The following SHROOM4 variants were observed in gnomAD, a reference collection of about 807,000 sequenced individuals.
SHROOM4 encodes protein Shroom4.
Under a neutral mutation model 80.3 loss-of-function variants are expected in SHROOM4, and 17 were observed. That is an observed-to-expected ratio of 0.21 (90% CI 0.14 to 0.32). The LOEUF (loss-of-function observed/expected upper bound fraction) is 0.32, where lower values mean the gene tolerates loss of function less well. Ranked by LOEUF, SHROOM4 falls within the 10% of genes least tolerant of loss-of-function variation. The pLI, the probability that SHROOM4 is intolerant of heterozygous loss-of-function variation, is 1.00. For missense variants in SHROOM4, 993 were observed against 1,140.3 expected (o/e 0.87, Z 1.86); for synonymous variants, 400 against 437.5 (o/e 0.91, Z 1.07).
Position 50,714,098 on chromosome X carries a change from G to C in SHROOM4, c.118-18161C>G, listed in dbSNP as rs782483595. Among the ~76,000 whole-genome samples, 6 of 111,767 alleles carry C rather than the reference G, an allele frequency of 5.4e-5. No homozygotes were observed. The South Asian group carries it at 2.3e-3, about 42-fold the overall frequency. On this transcript the variant is annotated intron_variant, in intron 1 of 8. Coordinates refer to ENST00000376020, the MANE Select transcript of SHROOM4 (RefSeq NM_020717.5). ...GTCCTTTCCCCACTGTATGCTGTTG[G>C]TGCCTTTGTCAAAAATCTGTTGGCT...
chrX:50,612,955 C>T (rs781819651), intron 5 of SHROOM4, among the ~76,000 whole-genome samples: 7 of 111,233 alleles, frequency 6.3e-5, no homozygotes, highest in African/African-American at 2.3e-4. Context: ...TAGAGGTATA[C>T]CCATTAAAAA....
chrX:50,591,394 T>C lies in SHROOM4; in HGVS notation c.*5301A>G, dbSNP rs1928871968. Among the ~76,000 whole-genome samples, 1 of 111,991 alleles carries C rather than the reference T, an allele frequency of 8.9e-6. No homozygotes were observed. Among genetic ancestry groups the C allele is most frequent in the South Asian group, 3.7e-4 (1 of 2,671 alleles). On this transcript the variant is annotated 3_prime_UTR_variant, in exon 9 of 9. Coordinates refer to ENST00000376020, the MANE Select transcript of SHROOM4 (RefSeq NM_020717.5). ...CTGTTCCAGGTCCCTTGTAATTCCA[T>C]ATGAATTTTAGAATCAGCTTGTAAA...
chrX:50,614,986 A>G (rs1557250519), intron 5 of SHROOM4, among the ~76,000 whole-genome samples: 2 of 111,929 alleles, frequency 1.8e-5, no homozygotes, highest in African/African-American at 6.5e-5. Flanking sequence ...TTTTTGTAAA[A>G]AAGAATGTAT....
chrX:50,720,836 G>C (rs1318056009), intron 1 of SHROOM4, among the ~76,000 whole-genome samples: 1 of 111,732 alleles, frequency 8.9e-6, no homozygotes, highest in Non-Finnish European at 1.9e-5. Context: ...AGATGGAAAG[G>C]CACTGATGTG....
intron 1 of SHROOM4, among the ~76,000 whole-genome samples, chrX:50,712,530 A>G (rs956016204): frequency 4.3e-4 from 48 of 112,221 alleles, no homozygotes; most frequent in African/African-American, 1.4e-3. Flanking sequence ...TGCCTGTATC[A>G]AAACATCTCA....
chrX:50,625,289 G>T (rs1404730360), intron 5 of SHROOM4, among the ~76,000 whole-genome samples: 1 of 112,162 alleles, frequency 8.9e-6, no homozygotes, highest in Non-Finnish European at 1.9e-5. Flanking sequence ...ATTTGGGAAT[G>T]ATTAAGCAAA....
At chrX:50,583,978 A>G (rs367702443), downstream of SHROOM4, among the ~76,000 whole-genome samples, 40 of 112,297 alleles carry the variant, frequency 3.6e-4, no homozygotes, top group African/African-American at 1.2e-3. Context: ...TAGAAAACTA[A>G]TACAATGGGC....
intron 2 of SHROOM4, among the ~76,000 whole-genome samples, chrX:50,669,843 T>C (rs1181537545): frequency 8.9e-6 from 1 of 111,758 alleles, no homozygotes; most frequent in African/African-American, 3.3e-5. Flanking sequence ...CTTCTAATTC[T>C]AGTACTCTTG....
At chrX:50,690,927 A>T (rs143869060) in intron 2 of SHROOM4, among the ~76,000 whole-genome samples, 1,416 of 112,865 alleles carry the variant, frequency 0.013, 29 homozygotes, top group African/African-American at 0.043. Flanking sequence ...AGATCGTGCC[A>T]CTGCACTCTA....
intron 3 of SHROOM4, among the ~76,000 whole-genome samples, chrX:50,636,624 A>T (rs1026386690): frequency 1.8e-4 from 20 of 111,637 alleles, no homozygotes; most frequent in African/African-American, 6.5e-4. Flanking sequence ...CAGAGTACCC[A>T]ACAGGTAGTT....
intron 5 of SHROOM4, among the ~76,000 whole-genome samples, chrX:50,610,961 T>G (rs1929943977): frequency 9.0e-6 from 1 of 110,719 alleles, no homozygotes; most frequent in East Asian, 2.8e-4. Flanking sequence ...AGTCAAAAAC[T>G]AAGATAATGA....
At chrX:50,639,760 T>C (rs1602394444) in intron 2 of SHROOM4, among the ~76,000 whole-genome samples, 1 of 111,419 alleles carries the variant, frequency 9.0e-6, no homozygotes, top group Non-Finnish European at 1.9e-5. Context: ...TACAAGGCTC[T>C]AGAGGGCTAA....
chrX:50,776,461 T>C (rs73483777), intron 1 of SHROOM4, among the ~76,000 whole-genome samples: 5,943 of 110,805 alleles, frequency 0.054, 412 homozygotes, highest in African/African-American at 0.19. Context: ...TAAATAACAC[T>C]ATCTGCAATT....
intron 5 of SHROOM4, among the ~76,000 whole-genome samples, chrX:50,627,348 G>A (rs1199287046): frequency 1.8e-5 from 2 of 111,472 alleles, no homozygotes; most frequent in Non-Finnish European, 3.8e-5. Context: ...TATGACCAAG[G>A]TATGGTGTCC....
At chrX:50,734,070 G>C (rs1279300634) in intron 1 of SHROOM4, among the ~76,000 whole-genome samples, 2 of 111,736 alleles carry the variant, frequency 1.8e-5, no homozygotes, top group Non-Finnish European at 3.8e-5. Flanking sequence ...TAAAAACGAA[G>C]TACAAAACTT....
the SHROOM4 span, among the ~76,000 whole-genome samples, chrX:50,578,030 T>C: frequency 8.9e-6 from 1 of 111,947 alleles, no homozygotes; most frequent in Admixed American, 9.5e-5. Context: ...CTTTCCTCAC[T>C]CTTCAAACAC....
intron 2 of SHROOM4, among the ~76,000 whole-genome samples, chrX:50,661,571 T>A (rs1932514434): frequency 8.9e-6 from 1 of 112,686 alleles, no homozygotes; most frequent in East Asian, 2.8e-4. Context: ...AAAAGTTATA[T>A]ACTAAACAAT....
At chrX:50,774,431 G>A (rs1284801997) in intron 1 of SHROOM4, among the ~76,000 whole-genome samples, 2 of 111,352 alleles carry the variant, frequency 1.8e-5, no homozygotes, top group African/African-American at 3.3e-5. Context: ...CAAGGACCAC[G>A]AACAGTTCCC....
At chrX:50,675,336 C>A (rs952830976) in intron 2 of SHROOM4, among the ~76,000 whole-genome samples, 3 of 111,283 alleles carry the variant, frequency 2.7e-5, no homozygotes, top group Non-Finnish European at 5.7e-5. Context: ...CCTGAACTTA[C>A]AATAAAAGTT....
Sources: gnomAD v4.1 joint callset for allele counts (sites outside exome capture counted in the v4.1 genomes callset) on GRCh38, gnomAD v4.1.1 for gene constraint, MANE v1.5 for transcripts, NCBI Gene and HGNC (gene_info 2026-07-23, HGNC 2026-07-21) for gene names.